The following SLC1A3 variants were observed in gnomAD, a reference collection of about 807,000 sequenced individuals.
SLC1A3 encodes excitatory amino acid transporter 1.
Under a neutral mutation model 48.1 loss-of-function variants are expected in SLC1A3, and 21 were observed. The ratio of observed to expected loss-of-function variants is 0.44; its 90% confidence interval spans 0.31 to 0.63. The LOEUF (loss-of-function observed/expected upper bound fraction) is 0.63, where lower values mean the gene tolerates loss of function less well. SLC1A3 is among the 20% of genes least tolerant of loss of function. The probability of loss-of-function intolerance (pLI) is 0.08; values close to 1 mark genes in which losing one functional copy is unlikely to be tolerated. For missense variants in SLC1A3, 546 were observed against 689.0 expected, an observed-to-expected ratio of 0.79 and a Z score of 2.32; for synonymous variants, 239 against 251.4, an observed-to-expected ratio of 0.95 and a Z score of 0.47.
intron 2 of SLC1A3, among the ~76,000 whole-genome samples, chr5:36,616,189 C>T (rs1370287238): frequency 1.3e-5 from 2 of 151,750 alleles, no homozygotes; most frequent in African/African-American, 4.8e-5. Context: ...ATAGAGACTC[C>T]ATCTAAAAAA....
Position 36,671,124 on chromosome 5 carries a change from A to G in SLC1A3, c.415A>G (p.Ile139Val). 1 of 1,613,922 alleles carries G rather than the reference A, an allele frequency of 6.2e-7. No homozygotes were observed. Among genetic ancestry groups the G allele is most frequent in the Non-Finnish European group, 8.5e-7 (1 of 1,179,776 alleles). ...CACCATCATTGCTGTGGTGATTGGC[A>G]TAATCATTGTCATCATCATCCATCC... Reference protein sequence around the residue: ...TTTIIAVVIGIIIVIIIHPGK... With the variant: ...TTTIIAVVIGVIIVIIIHPGK... Residue 139 changes from isoleucine (I) to valine (V), a missense_variant, in exon 4 of 10, where the codon ATA becomes GTA. Transcript: ENST00000265113.
intron 1 of SLC1A3, among the ~76,000 whole-genome samples, chr5:36,600,919 T>C (rs1207430512): frequency 6.6e-6 from 1 of 152,238 alleles, no homozygotes; most frequent in African/African-American, 2.4e-5. Flanking sequence ...TGATTTGTGC[T>C]CAAGGCCCAG....
In SLC1A3 at chr5:36,686,203, A is replaced by ACCATATCAACTGATTG. The variant is rs1424227413; in HGVS notation, c.1565_1580dup (p.Gln528IlefsTer9). The ACCATATCAACTGATTG allele has an allele frequency of 6.2e-7, 1 of 1,614,016 alleles. No individual in the cohort carries two copies. The highest frequency in any genetic ancestry group is 1.3e-5 in the African/African-American group (1 of 74,940). On this transcript the variant is annotated frameshift_variant, in exon 10 of 10. Coordinates refer to ENST00000265113, the MANE Select transcript of SLC1A3 (RefSeq NM_004172.5). LOFTEE classifies it high-confidence loss of function. ...TGATTGAAGAGAATGAAATGAAGAAACCATATCAACTGATTGCACAGGACA... is the reference window on the plus strand; with the variant it reads ...TGATTGAAGAGAATGAAATGAAGAAACCATATCAACTGATTGCCATATCAACTGATTGCACAGGACA...
chr5:36,644,186 C>T (rs1300058476), intron 3 of SLC1A3, among the ~76,000 whole-genome samples: 2 of 149,158 alleles, frequency 1.3e-5, no homozygotes, highest in African/African-American at 4.9e-5. Flanking sequence ...AAAGGAAATA[C>T]AGTGGGATGT....
intron 2 of SLC1A3, among the ~76,000 whole-genome samples, chr5:36,617,106 T>G (rs1395096160): frequency 6.6e-6 from 1 of 152,152 alleles, no homozygotes; most frequent in East Asian, 1.9e-4. Flanking sequence ...GCTAATTGAT[T>G]GAAGTTGCAC....
chr5:36,612,818 G>A (rs568528047), intron 2 of SLC1A3: 27 of 456,028 alleles, frequency 5.9e-5, no homozygotes, highest in Non-Finnish European at 1.1e-4. Context: ...CCACCATTCC[G>A]GCTCCAGGTG....
Position 36,671,169 on chromosome 5 carries a change from A to G in SLC1A3, c.460A>G (p.Asn154Asp). Reference sequence around the variant, plus strand: ...CCATCCTGGGAAGGGCACAAAGGAAAACATGCACAGAGAAGGCAAAATTGT... The same window carrying G: ...CCATCCTGGGAAGGGCACAAAGGAAGACATGCACAGAGAAGGCAAAATTGT... ...IIHPGKGTKE[N>D]MHREGKIVRV... Residue 154 changes from asparagine to aspartate, a missense_variant, in exon 4 of 10, where the codon AAC becomes GAC. By Grantham distance (23) the Asn-to-Asp change is conservative (BLOSUM62 1). Transcript: ENST00000265113. 1 of 1,614,014 alleles carries G rather than the reference A, an allele frequency of 6.2e-7. No homozygotes were observed.
intron 1 of SLC1A3, among the ~76,000 whole-genome samples, chr5:36,607,760 C>T (rs545174068): frequency 2.0e-5 from 3 of 152,110 alleles, no homozygotes; most frequent in Non-Finnish European, 4.4e-5. Context: ...GTACTGTGGG[C>T]ACTTGTGTTC....
intron 2 of SLC1A3, among the ~76,000 whole-genome samples, chr5:36,620,440 CA>C (rs1739615993): frequency 6.6e-6 from 1 of 152,160 alleles, no homozygotes; most frequent in African/African-American, 2.4e-5. Context: ...AGAGCAAAAT[CA>C]CATGGTTTTG....
chr5:36,643,775 A>G (rs1193315100), intron 3 of SLC1A3, among the ~76,000 whole-genome samples: 1 of 152,102 alleles, frequency 6.6e-6, no homozygotes, highest in African/African-American at 2.4e-5. Context: ...CGGGTGGATC[A>G]TGAGGTCAAG....
chr5:36,627,685 T>C (rs912143851), intron 2 of SLC1A3, among the ~76,000 whole-genome samples: 1 of 152,196 alleles, frequency 6.6e-6, no homozygotes, highest in Non-Finnish European at 1.5e-5. Context: ...TATGGAAAAG[T>C]ATATTCTGTA....
rs144548145 is a variant in SLC1A3, at chr5:36,639,265, G to T, written c.319+9678G>T. 7.6e-4 allele frequency among the ~76,000 whole-genome samples: 115 copies of T among 152,300 alleles called. 1 individual carries two copies. Among genetic ancestry groups the T allele is most frequent in the African/African-American group, 2.7e-3 (111 of 41,554 alleles). ...GATAATAGTAGTATCTACCTCATTGGATTGTTGTGAATATGCAAGTTAATA... is the reference window on the plus strand; with the variant it reads ...GATAATAGTAGTATCTACCTCATTGTATTGTTGTGAATATGCAAGTTAATA... On this transcript the variant is annotated intron_variant, in intron 3 of 9. Coordinates refer to ENST00000265113, the MANE Select transcript of SLC1A3 (RefSeq NM_004172.5).
chr5:36,605,032 C>A (rs186969980), upstream of SLC1A3, among the ~76,000 whole-genome samples: 3 of 151,970 alleles, frequency 2.0e-5, no homozygotes, highest in East Asian at 1.9e-4. Context: ...ACCAGAGGCA[C>A]CAATGTAAAA....
chr5:36,657,435 T>C (rs187932084), intron 3 of SLC1A3, among the ~76,000 whole-genome samples: 45 of 152,320 alleles, frequency 3.0e-4, no homozygotes, highest in Non-Finnish European at 5.4e-4. Context: ...ATATCTAGAC[T>C]TAATGAGTGT....
intron 3 of SLC1A3, among the ~76,000 whole-genome samples, chr5:36,648,219 G>A (rs1268652905): frequency 6.6e-6 from 1 of 152,022 alleles, no homozygotes; most frequent in African/African-American, 2.4e-5. Flanking sequence ...AATTTTTAAA[G>A]ATTTGCATTT....
At chr5:36,602,805 C>T (rs1274536138), upstream of SLC1A3, among the ~76,000 whole-genome samples, 1 of 152,128 alleles carries the variant, frequency 6.6e-6, no homozygotes, top group Non-Finnish European at 1.5e-5. Flanking sequence ...TTCTGAAACC[C>T]CATCAGAGGT....
In SLC1A3 at chr5:36,688,065, G is replaced by A. The variant is rs1486742926; in HGVS notation, c.*1796G>A. The stretch of plus-strand genomic sequence containing the variant: ...GGTGCAGTAACCATTTAATGTCGAG[G>A]CTCTATTTCGGAAATACACTACAAA... On this transcript the variant is annotated 3_prime_UTR_variant, in exon 10 of 10. Coordinates refer to ENST00000265113, the MANE Select transcript of SLC1A3 (RefSeq NM_004172.5). 1 of 152,168 alleles carries A rather than the reference G, an allele frequency of 6.6e-6. No individual in the cohort carries two copies. Among genetic ancestry groups the A allele is most frequent in the Non-Finnish European group, 1.5e-5 (1 of 68,036 alleles). 9.4% of individuals were successfully genotyped at this position (152,168 alleles called of 1,614,324 possible). A position where few individuals can be genotyped will look rare whatever the true frequency, so the allele number is the denominator to read the frequency against.
chr5:36,607,721 C>T (rs1739010926), intron 1 of SLC1A3, among the ~76,000 whole-genome samples: 1 of 152,084 alleles, frequency 6.6e-6, no homozygotes, highest in Admixed American at 6.5e-5. Flanking sequence ...AAAAAATTAC[C>T]CTGTAAAATA....
chr5:36,668,426 T>G (rs1294319867), intron 3 of SLC1A3: 1 of 152,226 alleles, frequency 6.6e-6, no homozygotes, highest in East Asian at 1.9e-4. Flanking sequence ...GTGTACTGCC[T>G]TGTTCCTGGT....
Sources: allele counts gnomAD v4.1 joint callset (sites outside exome capture counted in the v4.1 genomes callset), GRCh38; gene constraint gnomAD v4.1.1; transcripts MANE v1.5; gene names NCBI Gene and HGNC (gene_info 2026-07-23, HGNC 2026-07-21).